Variants in TTC33 observed in about 807,000 individuals in gnomAD.
TTC33 encodes the protein tetratricopeptide repeat protein 33.
Under a neutral mutation model 29.4 loss-of-function variants are expected in TTC33, and 24 were observed. That is an observed-to-expected ratio of 0.82 (90% CI 0.59 to 1.15). The LOEUF (loss-of-function observed/expected upper bound fraction) is 1.15, where lower values mean the gene tolerates loss of function less well. TTC33 is among the 50% of genes most tolerant of loss of function. TTC33 has a pLI of 0.00. For missense variants in TTC33, 286 were observed against 310.4 expected (o/e 0.92, Z 0.59); for synonymous variants, 107 against 100.3 (o/e 1.07, Z -0.40).
chr5:40,750,583 C>A (rs1416850947), intron 1 of TTC33, among the ~76,000 whole-genome samples: 2 of 151,948 alleles, frequency 1.3e-5, no homozygotes, highest in Non-Finnish European at 2.9e-5. Context: ...AAAACAACAA[C>A]AATGAAGTTT....
intron 4 of TTC33, among the ~76,000 whole-genome samples, chr5:40,718,911 T>G (rs1742066865): frequency 6.6e-6 from 1 of 151,908 alleles, no homozygotes; most frequent in African/African-American, 2.4e-5. Flanking sequence ...AATAAATAAA[T>G]AAATAAAAAT....
intron 1 of TTC33, among the ~76,000 whole-genome samples, chr5:40,748,654 G>A (rs555623463): frequency 6.6e-6 from 1 of 152,178 alleles, no homozygotes; most frequent in Non-Finnish European, 1.5e-5. Context: ...GGAGTGCAAT[G>A]CAAGAGAAAA....
rs1008949890 is a variant in TTC33, at chr5:40,742,100, G to GT, written c.221+4697dup. 6.4e-4 allele frequency among the ~76,000 whole-genome samples: 96 copies of GT among 148,908 alleles called. 1 individual carries two copies. In the South Asian group the frequency reaches 9.2e-3, roughly 14 times the overall value. On this transcript the variant is annotated intron_variant, in intron 2 of 4. Coordinates refer to ENST00000337702, the MANE Select transcript of TTC33 (RefSeq NM_012382.3). ...GACTACTGTCCAATGGTTGAAAACA[G>GT]TTTTTTTTTTATATCTTTTGTCCAA...
chr5:40,724,659 A>C lies in TTC33; in HGVS notation c.435+3686T>G, dbSNP rs544023725. 1.6e-4 allele frequency among the ~76,000 whole-genome samples: 24 copies of C among 152,188 alleles called. No individual in the cohort carries two copies. In the South Asian group the frequency reaches 4.0e-3, roughly 25 times the overall value. ...AAAAAACAAAAAACAAACAAACAAA[A>C]AAAAACAGAACAATAATAAAGCTCA... On this transcript the variant is annotated intron_variant, in intron 4 of 4. Coordinates refer to ENST00000337702, the MANE Select transcript of TTC33 (RefSeq NM_012382.3).
At chr5:40,751,359 GAGC>G (rs1742891673) in intron 1 of TTC33, among the ~76,000 whole-genome samples, 1 of 152,198 alleles carries the variant, frequency 6.6e-6, no homozygotes, top group Non-Finnish European at 1.5e-5. Flanking sequence ...TTTTCTTCAT[GAGC>G]AGGTCTCAAT....
At chr5:40,741,280 C>T (rs1278774667) in intron 2 of TTC33, among the ~76,000 whole-genome samples, 1 of 152,142 alleles carries the variant, frequency 6.6e-6, no homozygotes, top group Non-Finnish European at 1.5e-5. Context: ...AGCCTTCCCT[C>T]TAGGGATAGT....
chr5:40,746,914 G>T lies in TTC33; in HGVS notation c.105C>A (p.Asn35Lys). Residue 35 changes from asparagine to lysine, a missense_variant, in exon 2 of 5, where the codon AAC becomes AAA. By Grantham distance (94) the Asn-to-Lys change is moderately conservative. Coordinates refer to ENST00000337702, the MANE Select transcript of TTC33 (RefSeq NM_012382.3). ...TGGCATGAAGCCAGTTCCCTTCATC[G>T]TTGTCAACTACATCCTTCTCATCAG... ...EAADEKDVVD[N>K]DEGNWLHAIK... 1.9e-6 allele frequency: 3 copies of T among 1,614,024 alleles called. No homozygotes were observed. The highest frequency in any genetic ancestry group is 2.5e-6 in the Non-Finnish European group (3 of 1,180,008).
At position 40,728,005 on chromosome 5, in the gene TTC33, G is replaced by C. The variant is rs112204452; in HGVS notation, c.435+340C>G. Among the ~76,000 whole-genome samples the C allele has an allele frequency of 1.7e-3, 262 of 152,090 alleles. 1 individual carries two copies. The highest frequency in any genetic ancestry group is 6.0e-3 in the African/African-American group (249 of 41,506). ...ATCAAAAATATGTCAAAATAGACTG[G>C]GCATGTTGGCTCACGCCTGTAATCC... On this transcript the variant is annotated intron_variant, in intron 4 of 4. Transcript: ENST00000337702.
At chr5:40,737,858 C>CT (rs1742589466) in intron 2 of TTC33, among the ~76,000 whole-genome samples, 1 of 152,214 alleles carries the variant, frequency 6.6e-6, no homozygotes. Context: ...TTCCTGACTT[C>CT]TTTCCCTTAG....
At chr5:40,733,911 C>T (rs1201183571) in intron 2 of TTC33, among the ~76,000 whole-genome samples, 1 of 152,168 alleles carries the variant, frequency 6.6e-6, no homozygotes, top group African/African-American at 2.4e-5. Context: ...CAGACATACA[C>T]ACACACACGT....
chr5:40,748,098 A>G (rs890671727), intron 1 of TTC33, among the ~76,000 whole-genome samples: 4 of 152,236 alleles, frequency 2.6e-5, no homozygotes, highest in African/African-American at 9.6e-5. Context: ...AAGTTCTGAG[A>G]TAACAGGCGT....
At chr5:40,716,957 G>T (rs62356507) in intron 4 of TTC33, among the ~76,000 whole-genome samples, 2 of 152,152 alleles carry the variant, frequency 1.3e-5, no homozygotes, top group Non-Finnish European at 2.9e-5. Context: ...GGCTGGGCAC[G>T]GTGGCTCATA....
At chr5:40,738,444 A>AATAC (rs1561151050) in intron 2 of TTC33, among the ~76,000 whole-genome samples, 317 of 83,672 alleles carry the variant, frequency 3.8e-3, no homozygotes, top group Non-Finnish European at 5.0e-3. Context: ...ATATAAAATA[A>AATAC]AATACAATAC....
intron 1 of TTC33, among the ~76,000 whole-genome samples, chr5:40,752,108 A>C (rs1742907208): frequency 6.6e-6 from 1 of 152,160 alleles, no homozygotes; most frequent in East Asian, 1.9e-4. Flanking sequence ...TCACAAACGA[A>C]CCTCTAGCAG....
At chr5:40,752,692 C>T (rs1165004098) in intron 1 of TTC33, among the ~76,000 whole-genome samples, 1 of 152,096 alleles carries the variant, frequency 6.6e-6, no homozygotes, top group Non-Finnish European at 1.5e-5. Context: ...CAAAGATCAT[C>T]GATTACAGAT....
Position 40,711,746 on chromosome 5 carries a change from T to C in TTC33, c.*4399A>G, listed in dbSNP as rs1741902905. ...TGATACACATGATAACATGGATGAA[T>C]CTCAACATGGATGGGTTTCAAAAGC... On this transcript the variant is annotated 3_prime_UTR_variant, in exon 5 of 5. Coordinates refer to ENST00000337702, the MANE Select transcript of TTC33 (RefSeq NM_012382.3). Among the ~76,000 whole-genome samples the C allele has an allele frequency of 2.0e-5, 3 of 152,000 alleles. No individual in the cohort carries two copies. The South Asian group carries it at 6.2e-4, about 32-fold the overall frequency.
At chr5:40,723,902 G>T (rs1033568743) in intron 4 of TTC33, among the ~76,000 whole-genome samples, 11 of 152,086 alleles carry the variant, frequency 7.2e-5, no homozygotes, top group Non-Finnish European at 1.6e-4. Context: ...AGATGTGTCA[G>T]TGAGGTTATG....
At chr5:40,749,638 T>C (rs1742857855) in intron 1 of TTC33, among the ~76,000 whole-genome samples, 1 of 152,196 alleles carries the variant, frequency 6.6e-6, no homozygotes, top group African/African-American at 2.4e-5. Context: ...TACAGGCCTA[T>C]CTCAGAGTTG....
intron 4 of TTC33, among the ~76,000 whole-genome samples, chr5:40,718,699 C>T (rs532042322): frequency 6.6e-6 from 1 of 152,042 alleles, no homozygotes; most frequent in East Asian, 1.9e-4. Context: ...GATTGCACCA[C>T]CGCACTTCAG....
Sources: gnomAD v4.1 joint callset for allele counts (sites outside exome capture counted in the v4.1 genomes callset) on GRCh38, gnomAD v4.1.1 for gene constraint, MANE v1.5 for transcripts, NCBI Gene and HGNC (gene_info 2026-07-23, HGNC 2026-07-21) for gene names.